PTPRD: variants seen among roughly 807,000 people sequenced by gnomAD.
PTPRD encodes protein tyrosine phosphatase receptor type D.
Under a neutral mutation model 214.5 loss-of-function variants are expected in PTPRD, and 34 were observed. The ratio of observed to expected loss-of-function variants is 0.16; its 90% CI spans 0.12 to 0.21. The LOEUF is 0.21. Among genes scored for constraint, PTPRD ranks in the 10% least tolerant of loss-of-function variants. The pLI is 1.00. For synonymous variants in PTPRD, 1,128 were observed against 845.7 expected (o/e 1.33, Z -5.79); for missense variants, 2,545 against 2,398.7 (o/e 1.06, Z -1.27).
intron 8 of PTPRD, among the ~76,000 whole-genome samples, chr9:9,502,574 C>T (rs1208772577): frequency 6.6e-6 from 1 of 151,788 alleles, no homozygotes; most frequent in Non-Finnish European, 1.5e-5. Context: ...TTCAGTGATT[C>T]CACCACTAAG....
chr9:9,966,630 C>A (rs1242484258), intron 4 of PTPRD, among the ~76,000 whole-genome samples: 2 of 152,068 alleles, frequency 1.3e-5, no homozygotes, highest in Admixed American at 6.5e-5. Flanking sequence ...TTGAGCTGTG[C>A]AAACTGTTTT....
intron 2 of PTPRD, among the ~76,000 whole-genome samples, chr9:10,407,991 G>C (rs1023232223): frequency 6.6e-6 from 1 of 151,450 alleles, no homozygotes; most frequent in African/African-American, 2.4e-5. Context: ...TTACATGTAA[G>C]ATCTTATATG....
At chr9:8,697,416 A>ATTTTTTTTTTTTTT (rs2097941199) in intron 12 of PTPRD, among the ~76,000 whole-genome samples, 1 of 74,676 alleles carries the variant, frequency 1.3e-5, no homozygotes, top group African/African-American at 5.7e-5. Context: ...ATTTTTATGT[A>ATTTTTTTTTTTTTT]CTTTTTTTTT....
At chr9:10,529,156 G>C (rs1472481987) in intron 2 of PTPRD, among the ~76,000 whole-genome samples, 1 of 151,994 alleles carries the variant, frequency 6.6e-6, no homozygotes, top group Non-Finnish European at 1.5e-5. Context: ...TTAAATGCAA[G>C]AACTCAACTA....
At chr9:10,481,036 CT>C (rs34046583) in intron 2 of PTPRD, among the ~76,000 whole-genome samples, 62,731 of 148,320 alleles carry the variant, frequency 0.42, 14,627 homozygotes, top group Admixed American at 0.58. Flanking sequence ...TCATTTGGTA[CT>C]TTTTTTTTTT....
At chr9:10,608,713 A>T (rs1313610071) in intron 2 of PTPRD, among the ~76,000 whole-genome samples, 1 of 152,120 alleles carries the variant, frequency 6.6e-6, no homozygotes, top group African/African-American at 2.4e-5. Context: ...TGAAAGATAA[A>T]CTCAAAACCT....
At chr9:8,540,694 A>C (rs1470576507) in intron 14 of PTPRD, among the ~76,000 whole-genome samples, 1 of 152,184 alleles carries the variant, frequency 6.6e-6, no homozygotes, top group African/African-American at 2.4e-5. Context: ...AAAATTTTAG[A>C]AACAATCCAC....
chr9:9,411,262 C>CT (rs34617237), intron 8 of PTPRD, among the ~76,000 whole-genome samples: 3,327 of 139,842 alleles, frequency 0.024, 123 homozygotes, highest in East Asian at 0.099. Context: ...AGCATTGTGT[C>CT]TTTTTTTTTT....
intron 11 of PTPRD, among the ~76,000 whole-genome samples, chr9:8,895,563 C>T (rs1460471760): frequency 1.3e-5 from 2 of 152,104 alleles, no homozygotes; most frequent in Non-Finnish European, 2.9e-5. Context: ...TAAATAAAAT[C>T]GAGAATAAAA....
Position 8,401,168 on chromosome 9 carries a change from C to CT in PTPRD, c.4210+3368dup, listed in dbSNP as rs35280480. Among the ~76,000 whole-genome samples, 22 of 144,566 alleles carry CT rather than the reference C, an allele frequency of 1.5e-4. 1 individual carries two copies. Among genetic ancestry groups the CT allele is most frequent in the South Asian group, 1.3e-3 (6 of 4,454 alleles). The allele number at this position is 144,566 out of a possible 152,430, so 94.8% of individuals were successfully genotyped here. On this transcript the variant is annotated intron_variant, in intron 36 of 45. Coordinates refer to ENST00000381196, the MANE Select transcript of PTPRD (RefSeq NM_002839.4). ...CTTTATTTGAAAATATTTACCTTTT[C>CT]TTTTTTTTTTTTTCCAGATGGGGTC...
At chr9:9,706,547 C>A (rs1017480894) in intron 7 of PTPRD, among the ~76,000 whole-genome samples, 3 of 151,894 alleles carry the variant, frequency 2.0e-5, no homozygotes, top group African/African-American at 2.4e-5. Flanking sequence ...TCAAGCAATT[C>A]TCCTGCTTCA....
intron 3 of PTPRD, among the ~76,000 whole-genome samples, chr9:10,047,539 A>G (rs1245790764): frequency 6.6e-6 from 1 of 151,996 alleles, no homozygotes; most frequent in East Asian, 1.9e-4. Flanking sequence ...GCAATTTAGC[A>G]TCCCTCAACT....
chr9:9,960,794 A>T (rs1161131859), intron 4 of PTPRD, among the ~76,000 whole-genome samples: 1 of 152,198 alleles, frequency 6.6e-6, no homozygotes, highest in East Asian at 1.9e-4. Context: ...ATCCATGAAC[A>T]TTTATTAAAA....
At chr9:9,777,534 A>G (rs1170112719) in intron 5 of PTPRD, among the ~76,000 whole-genome samples, 2 of 152,102 alleles carry the variant, frequency 1.3e-5, no homozygotes, top group Non-Finnish European at 2.9e-5. Context: ...GCCTTTAAAG[A>G]AGAAAACACA....
intron 3 of PTPRD, among the ~76,000 whole-genome samples, chr9:10,242,795 G>T (rs555597910): frequency 2.0e-5 from 3 of 151,746 alleles, no homozygotes; most frequent in Non-Finnish European, 4.4e-5. Flanking sequence ...CTAATTAAGT[G>T]AGCCAATGGC....
chr9:9,339,645 A>T (rs533531994), intron 9 of PTPRD, among the ~76,000 whole-genome samples: 1 of 152,316 alleles, frequency 6.6e-6, no homozygotes, highest in African/African-American at 2.4e-5. Context: ...AATTTTATTC[A>T]ATTATTTACA....
chr9:10,355,625 T>G (rs2097262946), intron 2 of PTPRD, among the ~76,000 whole-genome samples: 1 of 151,944 alleles, frequency 6.6e-6, no homozygotes, highest in Admixed American at 6.6e-5. Flanking sequence ...ATTACAGGCA[T>G]GCACGACCAT....
At chr9:8,842,466 A>G (rs1327228921) in intron 11 of PTPRD, among the ~76,000 whole-genome samples, 1 of 152,234 alleles carries the variant, frequency 6.6e-6, no homozygotes, top group East Asian at 1.9e-4. Flanking sequence ...AGAGCAGTAC[A>G]TTAGTACATT....
At chr9:9,376,963 A>C (rs1419186832) in intron 9 of PTPRD, among the ~76,000 whole-genome samples, 1 of 152,072 alleles carries the variant, frequency 6.6e-6, no homozygotes, top group Non-Finnish European at 1.5e-5. Context: ...TCTAGGGAGC[A>C]CTCAATATAA....
Sources: gnomAD v4.1 joint callset for allele counts (sites outside exome capture counted in the v4.1 genomes callset) on GRCh38, gnomAD v4.1.1 for gene constraint, MANE v1.5 for transcripts, NCBI Gene and HGNC (gene_info 2026-07-23, HGNC 2026-07-21) for gene names.